AKT3: variants seen among roughly 807,000 people sequenced by gnomAD.
The protein encoded by AKT3 is RAC-gamma serine/threonine-protein kinase.
In AKT3, 15 loss-of-function variants were observed where a neutral mutation model predicts 65.3. That is an observed-to-expected ratio of 0.23 (90% CI 0.15 to 0.35). AKT3 has a LOEUF of 0.35. Among genes scored for constraint, AKT3 ranks in the 10% least tolerant of loss-of-function variants. The pLI, the probability that AKT3 is intolerant of heterozygous loss-of-function variation, is 1.00. For missense variants in AKT3, 243 were observed against 576.5 expected (o/e 0.42, Z 5.92); for synonymous variants, 206 against 183.8 (o/e 1.12, Z -0.98).
chr1:243,732,709 A>G (rs1687634313), intron 2 of AKT3, among the ~76,000 whole-genome samples: 1 of 152,210 alleles, frequency 6.6e-6, no homozygotes, highest in Non-Finnish European at 1.5e-5. Flanking sequence ...ATGGTTCTAC[A>G]AAGAATCCAG....
chr1:243,605,701 C>T (rs1372710262), intron 8 of AKT3, among the ~76,000 whole-genome samples: 1 of 152,212 alleles, frequency 6.6e-6, no homozygotes, highest in Non-Finnish European at 1.5e-5. Context: ...ACATTTCTTT[C>T]ACAATTCACT....
chr1:243,764,929 C>G (rs988473661), intron 2 of AKT3, among the ~76,000 whole-genome samples: 1 of 152,038 alleles, frequency 6.6e-6, no homozygotes, highest in African/African-American at 2.4e-5. Context: ...TACTATTAAT[C>G]ATTTAGCAAC....
intron 12 of AKT3, among the ~76,000 whole-genome samples, chr1:243,521,445 G>A (rs1285078180): frequency 6.6e-6 from 1 of 152,126 alleles, no homozygotes; most frequent in East Asian, 1.9e-4. Context: ...TGCATGTACT[G>A]GAAAAGCAGG....
chr1:243,543,117 C>T (rs1483806474), intron 12 of AKT3, among the ~76,000 whole-genome samples: 1 of 152,188 alleles, frequency 6.6e-6, no homozygotes, highest in Admixed American at 6.5e-5. Flanking sequence ...GCAGCTCCTC[C>T]TCCCTGCCAG....
intron 13 of AKT3, among the ~76,000 whole-genome samples, chr1:243,492,615 T>G (rs1420159680): frequency 1.4e-5 from 2 of 144,534 alleles, no homozygotes; most frequent in Non-Finnish European, 3.0e-5. Context: ...TTTTTTTTTT[T>G]TTTTTTTTTT....
At chr1:243,636,723 T>C (rs1432645166) in intron 6 of AKT3, among the ~76,000 whole-genome samples, 2 of 152,108 alleles carry the variant, frequency 1.3e-5, no homozygotes, top group Non-Finnish European at 2.9e-5. Flanking sequence ...AGACCAGTAC[T>C]TCCCCAAAGT....
In AKT3 at chr1:243,676,631, T is replaced by C. The variant is rs182690313; in HGVS notation, c.173-11748A>G. Among the ~76,000 whole-genome samples, 7 of 152,370 alleles carry C rather than the reference T, an allele frequency of 4.6e-5. No homozygotes were observed. In the East Asian group the frequency reaches 9.6e-4, roughly 21 times the overall value. On this transcript the variant is annotated intron_variant, in intron 3 of 13. Coordinates refer to ENST00000673466, the MANE Select transcript of AKT3 (RefSeq NM_005465.7). ...TCAGCTTCCAAGTTGAAAATTACTATACCAGTACAGTTTTTCTATTTTATT... is the reference window on the plus strand; with the variant it reads ...TCAGCTTCCAAGTTGAAAATTACTACACCAGTACAGTTTTTCTATTTTATT...
chr1:243,591,628 C>T (rs887679798), intron 8 of AKT3, among the ~76,000 whole-genome samples: 1 of 150,794 alleles, frequency 6.6e-6, no homozygotes, highest in Non-Finnish European at 1.5e-5. Context: ...ACACGAATAC[C>T]ATAATAAATT....
chr1:243,765,952 C>A (rs1689793005), intron 2 of AKT3, among the ~76,000 whole-genome samples: 3 of 152,120 alleles, frequency 2.0e-5, no homozygotes, highest in Admixed American at 2.0e-4. Context: ...TGAAAAGAAC[C>A]TTAAAGATAT....
chr1:243,714,165 C>A (rs1246724443), intron 2 of AKT3, among the ~76,000 whole-genome samples: 9 of 152,184 alleles, frequency 5.9e-5, no homozygotes, highest in Non-Finnish European at 1.3e-4. Context: ...CACTTACATG[C>A]ACACTGCTTT....
chr1:243,716,142 ATTC>A (rs1157181563), intron 2 of AKT3, among the ~76,000 whole-genome samples: 1 of 152,140 alleles, frequency 6.6e-6, no homozygotes, highest in Non-Finnish European at 1.5e-5. Flanking sequence ...TTTAAGAAGA[ATTC>A]TTCTTCATAT....
intron 2 of AKT3, among the ~76,000 whole-genome samples, chr1:243,817,516 G>A (rs370635686): frequency 1.1e-3 from 166 of 152,332 alleles, no homozygotes; most frequent in Non-Finnish European, 1.7e-3. Flanking sequence ...TGAGGTGGGC[G>A]AATCACTTGA....
chr1:243,794,684 G>A (rs1361156877), intron 2 of AKT3, among the ~76,000 whole-genome samples: 1 of 152,190 alleles, frequency 6.6e-6, no homozygotes, highest in Non-Finnish European at 1.5e-5. Context: ...AAAAATACAA[G>A]AACTACATTT....
At chr1:243,761,432 C>T (rs1689484545) in intron 2 of AKT3, among the ~76,000 whole-genome samples, 1 of 152,004 alleles carries the variant, frequency 6.6e-6, no homozygotes, top group African/African-American at 2.4e-5. Flanking sequence ...TAAAAACATC[C>T]TTTAAAAATA....
intron 2 of AKT3, among the ~76,000 whole-genome samples, chr1:243,744,457 T>G (rs1438780010): frequency 3.3e-5 from 5 of 152,168 alleles, no homozygotes. Context: ...AAAAAATTAT[T>G]GGCCGGGCGC....
intron 9 of AKT3, among the ~76,000 whole-genome samples, chr1:243,569,575 T>C (rs938853412): frequency 2.0e-5 from 3 of 152,176 alleles, no homozygotes; most frequent in African/African-American, 7.2e-5. Context: ...GATAAAACTC[T>C]CTGAAGCCAC....
At chr1:243,600,119 C>T (rs1187374452) in intron 8 of AKT3, among the ~76,000 whole-genome samples, 1 of 151,810 alleles carries the variant, frequency 6.6e-6, no homozygotes, top group East Asian at 1.9e-4. Context: ...CTTTCAAGAC[C>T]TGTACACTAA....
intron 2 of AKT3, among the ~76,000 whole-genome samples, chr1:243,841,179 CA>C (rs1442201982): frequency 2.0e-5 from 2 of 101,624 alleles, no homozygotes; most frequent in Non-Finnish European, 5.5e-5. Context: ...AATTCTTATT[CA>C]TTTTTTTTTC....
intron 6 of AKT3, among the ~76,000 whole-genome samples, chr1:243,615,932 G>T (rs1334181130): frequency 6.6e-6 from 1 of 151,818 alleles, no homozygotes; most frequent in Non-Finnish European, 1.5e-5. Flanking sequence ...TAGAGATAGG[G>T]TCTTGCTATG....
Sources: allele counts gnomAD v4.1 joint callset (sites outside exome capture counted in the v4.1 genomes callset), GRCh38; gene constraint gnomAD v4.1.1; transcripts MANE v1.5; gene names NCBI Gene and HGNC (gene_info 2026-07-23, HGNC 2026-07-21).